The following GPD2 variants were observed in gnomAD, a reference collection of about 807,000 sequenced individuals.
GPD2 encodes the protein glycerol-3-phosphate dehydrogenase, mitochondrial.
GPD2 carries 54 observed loss-of-function variants against 82.4 expected under a neutral mutation model. That is an observed-to-expected ratio of 0.66 (90% confidence interval 0.53 to 0.82). The LOEUF is 0.82. Ranked by LOEUF, GPD2 falls within the 40% of genes least tolerant of loss-of-function variation. The pLI, the probability that GPD2 is intolerant of heterozygous loss-of-function variation, is 0.00. For missense variants in GPD2, 748 were observed against 896.2 expected, an observed-to-expected ratio of 0.83 and a Z score of 2.11; for synonymous variants, 288 against 306.1, an observed-to-expected ratio of 0.94 and a Z score of 0.62.
At chr2:156,569,297 A>G in intron 10 of GPD2, 66 bp from the exon 11 acceptor site, 1 of 1,082,734 alleles carries the variant, frequency 9.2e-7, no homozygotes, top group Non-Finnish European at 1.4e-6. Context: ...GTAAGTTGAT[A>G]AATGGTTAAT....
the GPD2 span, among the ~76,000 whole-genome samples, chr2:156,409,068 A>G: frequency 1.3e-5 from 2 of 152,294 alleles, no homozygotes; most frequent in East Asian, 1.9e-4. Flanking sequence ...TCTATAAACT[A>G]AGAAAAAACC....
chr2:156,579,179 T>G lies in GPD2; in HGVS notation c.1959+15T>G, dbSNP rs770684397. The G allele has an allele frequency of 1.2e-5, 17 of 1,440,794 alleles. No homozygotes were observed. Among genetic ancestry groups the G allele is most frequent in the Non-Finnish European group, 1.6e-5 (16 of 1,022,596 alleles). 89.3% of individuals were successfully genotyped at this position (1,440,794 alleles called of 1,614,324 possible). On this transcript the variant is annotated intron_variant, in intron 15 of 16. Transcript: ENST00000438166. Reference sequence around the variant, plus strand: ...GTGTATTAGAGGTAATTTTCTTTGGTTGATGTCAGCCTCTGATACTAGAAG... The same window carrying G: ...GTGTATTAGAGGTAATTTTCTTTGGGTGATGTCAGCCTCTGATACTAGAAG...
At chr2:156,524,826 A>G (rs1685544966) in intron 6 of GPD2, among the ~76,000 whole-genome samples, 1 of 152,218 alleles carries the variant, frequency 6.6e-6, no homozygotes. Flanking sequence ...TTGTTTTGTC[A>G]AAAATACTTT....
chr2:156,418,364 T>C, the GPD2 span, among the ~76,000 whole-genome samples: 1 of 151,428 alleles, frequency 6.6e-6, no homozygotes, highest in Non-Finnish European at 1.5e-5. Flanking sequence ...CACTCCGGCC[T>C]GGGCGACAGA....
At chr2:156,486,876 G>A (rs778840831) in intron 2 of GPD2, among the ~76,000 whole-genome samples, 2 of 152,184 alleles carry the variant, frequency 1.3e-5, no homozygotes, top group Admixed American at 6.5e-5. Flanking sequence ...GTAGCTGAAG[G>A]CCATCTAGAT....
intron 1 of GPD2, among the ~76,000 whole-genome samples, chr2:156,471,486 G>T (rs79362685): frequency 6.6e-6 from 1 of 152,162 alleles, no homozygotes; most frequent in Non-Finnish European, 1.5e-5. Context: ...TCTTCCCTCT[G>T]GACTTCTTTT....
At chr2:156,480,254 C>T in intron 2 of GPD2, among the ~76,000 whole-genome samples, 1 of 151,992 alleles carries the variant, frequency 6.6e-6, no homozygotes, top group Non-Finnish European at 1.5e-5. Context: ...CCTTTTTGAG[C>T]AACAGCAGTA....
chr2:156,471,001 A>G (rs1228893757), intron 1 of GPD2, among the ~76,000 whole-genome samples: 2 of 152,168 alleles, frequency 1.3e-5, no homozygotes, highest in Non-Finnish European at 2.9e-5. Context: ...TTCTGAGTAG[A>G]TGTTCCGTCA....
At chr2:156,410,530 A>C in the GPD2 span, among the ~76,000 whole-genome samples, 1 of 152,164 alleles carries the variant, frequency 6.6e-6, no homozygotes, top group African/African-American at 2.4e-5. Flanking sequence ...TGCTCTATTT[A>C]AAAAAGATTA....
chr2:156,452,381 G>A (rs1239738008), intron 1 of GPD2, among the ~76,000 whole-genome samples: 1 of 152,246 alleles, frequency 6.6e-6, no homozygotes, highest in Non-Finnish European at 1.5e-5. Flanking sequence ...GCAAAACCCC[G>A]TCTCCACCAA....
chr2:156,475,785 T>C (rs1573906807), intron 1 of GPD2, among the ~76,000 whole-genome samples: 1 of 152,248 alleles, frequency 6.6e-6, no homozygotes, highest in African/African-American at 2.4e-5. Flanking sequence ...AAATACCCAA[T>C]GACATTTCTT....
At chr2:156,444,325 T>C (rs546212234) in intron 1 of GPD2, among the ~76,000 whole-genome samples, 1 of 152,242 alleles carries the variant, frequency 6.6e-6, no homozygotes, top group South Asian at 2.1e-4. Flanking sequence ...TCATAACAAG[T>C]ATATTTTCAC....
At chr2:156,493,144 G>T (rs1331538495) in intron 2 of GPD2, among the ~76,000 whole-genome samples, 1 of 152,096 alleles carries the variant, frequency 6.6e-6, no homozygotes, top group Non-Finnish European at 1.5e-5. Flanking sequence ...TTAATTTTGG[G>T]CAGTAGAGTG....
chr2:156,505,737 T>G lies in GPD2; in HGVS notation c.275-5059T>G, dbSNP rs1364365460. ...CTGGGTGCATTATTTTTTATGCCCT[T>G]CAGGCTTAATTATTTTACCTAAGAA... On this transcript the variant is annotated intron_variant, in intron 3 of 16. Transcript: ENST00000438166. Among the ~76,000 whole-genome samples the G allele has an allele frequency of 3.3e-5, 5 of 152,182 alleles. No homozygotes were observed. In the South Asian group the frequency reaches 1.0e-3, roughly 31 times the overall value.
At chr2:156,408,870 A>C in the GPD2 span, among the ~76,000 whole-genome samples, 1 of 152,148 alleles carries the variant, frequency 6.6e-6, no homozygotes, top group East Asian at 1.9e-4. Context: ...AAAAATTTGC[A>C]TGTTGAAGTC....
chr2:156,579,691 G>C lies in GPD2; in HGVS notation c.1961G>C (p.Ser654Thr), dbSNP rs1687958531. The change falls in exon 16 of 17, where the codon AGT becomes ACT. Residue 654 changes from serine (S) to threonine (T), a missense_variant and splice_region_variant. Physicochemically the swap from Ser to Thr is moderately conservative, Grantham distance 58. Around this residue, in one of 3 missense-constraint regions of GPD2, gnomAD observed 692 missense variants for 809.7 expected, o/e 0.85. Coordinates refer to ENST00000438166, the MANE Select transcript of GPD2 (RefSeq NM_000408.5). ...TIVDVQRVLESINVQMDENTL... is the reference protein window; with the variant it reads ...TIVDVQRVLETINVQMDENTL... ...ATTCTATGCTTTTCTTTTACTTAGA[G>C]TATCAATGTCCAAATGGATGAAAAT... 3.8e-6 allele frequency: 5 copies of C among 1,305,992 alleles called. No homozygotes were observed. Among genetic ancestry groups the C allele is most frequent in the Non-Finnish European group, 5.6e-6 (5 of 898,756 alleles). The allele number at this position is 1,305,992 out of a possible 1,614,324, so 80.9% of individuals were successfully genotyped here.
At chr2:156,551,731 T>C (rs1414220127) in intron 8 of GPD2, among the ~76,000 whole-genome samples, 3 of 152,306 alleles carry the variant, frequency 2.0e-5, no homozygotes, top group East Asian at 1.9e-4. Context: ...TAAATACTTT[T>C]AATGCCCTAG....
the GPD2 span, among the ~76,000 whole-genome samples, chr2:156,427,841 C>T: frequency 2.6e-5 from 4 of 152,164 alleles, no homozygotes; most frequent in South Asian, 2.1e-4. Flanking sequence ...CTTCTGGAGA[C>T]TCTAGGGAGA....
At chr2:156,449,854 T>TCCAAAAAAAAAAA (rs1682490775) in intron 1 of GPD2, among the ~76,000 whole-genome samples, 1 of 5,424 alleles carries the variant, frequency 1.8e-4, no homozygotes, top group Admixed American at 7.5e-3. Context: ...CTACTAAATA[T>TCCAAAAAAAAAAA]ACAAAAAAAA....
Sources: allele counts gnomAD v4.1 joint callset (sites outside exome capture counted in the v4.1 genomes callset), GRCh38; gene constraint gnomAD v4.1.1; regional missense constraint gnomAD v4.1.1; transcripts MANE v1.5; gene names NCBI Gene and HGNC (gene_info 2026-07-23, HGNC 2026-07-21).